C2orf92: variants seen among roughly 807,000 people sequenced by gnomAD.
C2orf92 encodes the protein uncharacterized protein C2orf92.
At chr2:97,678,873 C>T (rs1379897625) in intron 3 of C2orf92, among the ~76,000 whole-genome samples, 1 of 150,208 alleles carries the variant, frequency 6.7e-6, no homozygotes, top group Non-Finnish European at 1.5e-5. Context: ...AGCTATTCAG[C>T]ACACTGAGGT....
intron 3 of C2orf92, among the ~76,000 whole-genome samples, chr2:97,681,106 C>CAAAAAAAAAA (rs58856044): frequency 8.4e-5 from 1 of 11,966 alleles, no homozygotes; most frequent in Non-Finnish European, 2.5e-4. Flanking sequence ...GACTCCATCT[C>CAAAAAAAAAA]AAAAAAAAAA....
chr2:97,665,727 CTCTCTCTCTCTATATATATATATATATA>C (rs1343675686), upstream of C2orf92: 1,921 of 33,530 alleles, frequency 0.057, 16 homozygotes, highest in Non-Finnish European at 0.11. Context: ...CTCTCTCTCT[CTCTCTCTCTCTATATATATATATATATA>C]TATATATATA....
At chr2:97,693,128 G>A (rs911809435) in intron 5 of C2orf92, among the ~76,000 whole-genome samples, 2 of 152,038 alleles carry the variant, frequency 1.3e-5, no homozygotes, top group African/African-American at 2.4e-5. Context: ...TGTTCTCAAG[G>A]TTAATGCATG....
chr2:97,680,701 C>T (rs546349513), intron 3 of C2orf92, among the ~76,000 whole-genome samples: 16 of 152,010 alleles, frequency 1.1e-4, no homozygotes, highest in Non-Finnish European at 1.9e-4. Flanking sequence ...CCGAGGCGGG[C>T]GGATCATGAG....
Position 97,702,864 on chromosome 2 carries a change from C to T in C2orf92, c.*63C>T, listed in dbSNP as rs1181772897. On this transcript the variant is annotated 3_prime_UTR_variant, in exon 8 of 8. Transcript: ENST00000627399. ...ACAATGCGAGGACATTCTCCATCTGCGCACCACAGGGAGGCAATTCCATTT... is the reference window on the plus strand; with the variant it reads ...ACAATGCGAGGACATTCTCCATCTGTGCACCACAGGGAGGCAATTCCATTT... 8 of 398,316 alleles carry T rather than the reference C, an allele frequency of 2.0e-5. No individual in the cohort carries two copies. The highest frequency in any genetic ancestry group is 3.1e-5 in the Non-Finnish European group (7 of 225,762). 24.7% of individuals were successfully genotyped at this position (398,316 alleles called of 1,614,324 possible).
intron 3 of C2orf92, among the ~76,000 whole-genome samples, chr2:97,684,546 C>G (rs1359917509): frequency 1.3e-5 from 2 of 152,170 alleles, no homozygotes; most frequent in African/African-American, 4.8e-5. Flanking sequence ...AGGTGAAAAT[C>G]TTCATGACCT....
intron 5 of C2orf92, chr2:97,694,481 C>T (rs1231982177): frequency 2.0e-5 from 3 of 148,822 alleles, no homozygotes; most frequent in Admixed American, 6.7e-5. Flanking sequence ...AGGATGGTCT[C>T]GATCTCCTGA....
intron 5 of C2orf92, chr2:97,691,112 G>A (rs1676123637): frequency 6.6e-6 from 1 of 152,258 alleles, no homozygotes; most frequent in Non-Finnish European, 1.5e-5. Flanking sequence ...TACAACGTGT[G>A]TGCTTCACCC....
At chr2:97,664,606 T>G (rs1055487833) in intron 1 of C2orf92, 4 of 151,814 alleles carry the variant, frequency 2.6e-5, no homozygotes, top group Non-Finnish European at 4.4e-5. Flanking sequence ...GTAGAGACTG[T>G]TAAAAATTGC....
chr2:97,686,285 C>T (rs1374031875), intron 3 of C2orf92, among the ~76,000 whole-genome samples: 2 of 152,232 alleles, frequency 1.3e-5, no homozygotes, highest in Non-Finnish European at 2.9e-5. Flanking sequence ...GGCACAATTT[C>T]CATGACCCAA....
intron 5 of C2orf92, among the ~76,000 whole-genome samples, chr2:97,697,675 C>T (rs1013829986): frequency 5.3e-5 from 8 of 152,174 alleles, no homozygotes; most frequent in African/African-American, 1.9e-4. Flanking sequence ...CAGACACCCA[C>T]ATGATGGTCT....
chr2:97,676,665 G>A (rs931648824), intron 3 of C2orf92, among the ~76,000 whole-genome samples: 2 of 151,836 alleles, frequency 1.3e-5, no homozygotes, highest in African/African-American at 4.8e-5. Context: ...CCAGCTACTC[G>A]GGAGGCTGAG....
rs1256102675 is a variant in C2orf92 at position 97,688,963 on chromosome 2, A to G, written c.301A>G (p.Arg101Gly). 2.5e-6 allele frequency: 1 copy of G among 398,658 alleles called. No individual in the cohort carries two copies. Among genetic ancestry groups the G allele is most frequent in the Non-Finnish European group, 4.4e-6 (1 of 226,064 alleles). The allele number at this position is 398,658 out of a possible 1,614,324, so 24.7% of individuals were successfully genotyped here. Reference protein sequence around the residue: ...DPSFNEATAVRSITKTDMRKG... With the variant: ...DPSFNEATAVGSITKTDMRKG... Reference sequence around the variant, plus strand: ...ATCATTTAACGAAGCAACAGCAGTCAGATCCATTACAAAGACAGACATGAG... The same window carrying G: ...ATCATTTAACGAAGCAACAGCAGTCGGATCCATTACAAAGACAGACATGAG... The change falls in exon 4 of 8, where the codon AGA becomes GGA. Residue 101 changes from arginine to glycine, a missense_variant. Transcript: ENST00000627399.
intron 1 of C2orf92, chr2:97,671,233 T>A (rs1356070307): frequency 8.2e-6 from 3 of 364,332 alleles, no homozygotes; most frequent in Non-Finnish European, 1.5e-5. Context: ...GGTCATGAAC[T>A]CCTGACCTCA....
chr2:97,689,165 T>C (rs1456033208), intron 4 of C2orf92, among the ~76,000 whole-genome samples, 172 bp downstream of exon 4: 1 of 152,170 alleles, frequency 6.6e-6, no homozygotes, highest in Non-Finnish European at 1.5e-5. Context: ...AACCTTCCAC[T>C]CACTATGGAA....
At chr2:97,684,901 C>T (rs1196338676) in intron 3 of C2orf92, among the ~76,000 whole-genome samples, 1 of 152,046 alleles carries the variant, frequency 6.6e-6, no homozygotes, top group Non-Finnish European at 1.5e-5. Context: ...TATCACTATT[C>T]ACGCTTCTTA....
At chr2:97,689,177 C>G (rs887160356) in intron 4 of C2orf92, among the ~76,000 whole-genome samples, 184 bp downstream of exon 4, 3 of 152,204 alleles carry the variant, frequency 2.0e-5, no homozygotes, top group Non-Finnish European at 4.4e-5. Flanking sequence ...ACTATGGAAT[C>G]TGTGCTCCAA....
chr2:97,695,797 G>T (rs957955895), intron 5 of C2orf92, among the ~76,000 whole-genome samples: 5 of 151,342 alleles, frequency 3.3e-5, no homozygotes, highest in African/African-American at 1.2e-4. Context: ...TGTCATCCAG[G>T]CTGGAGTGCG....
intron 5 of C2orf92, among the ~76,000 whole-genome samples, chr2:97,697,554 A>T (rs571126857): frequency 2.0e-5 from 3 of 152,300 alleles, no homozygotes; most frequent in African/African-American, 7.2e-5. Context: ...AGTCAAGTTA[A>T]TTATCAGTCT....
Sources: allele counts gnomAD v4.1 joint callset (sites outside exome capture counted in the v4.1 genomes callset), GRCh38; gene constraint gnomAD v4.1.1; transcripts MANE v1.5; gene names NCBI Gene and HGNC (gene_info 2026-07-23, HGNC 2026-07-21).